ZNF609: variants seen among roughly 807,000 people sequenced by gnomAD.
ZNF609 encodes the protein zinc finger protein 609.
ZNF609 carries 11 observed loss-of-function variants against 109.5 expected under a neutral mutation model. That is an observed-to-expected ratio of 0.10 (90% confidence interval 0.06 to 0.17). ZNF609 has a LOEUF of 0.17. Ranked by LOEUF, ZNF609 falls within the 10% of genes least tolerant of loss-of-function variation. The probability of loss-of-function intolerance (pLI) is 1.00; values close to 1 mark genes in which losing one functional copy is unlikely to be tolerated. For missense variants in ZNF609, 1,559 were observed against 1,772.4 expected (o/e 0.88, Z 2.16); for synonymous variants, 646 against 662.0 (o/e 0.98, Z 0.37).
chr15:64,481,981 C>T (rs903142928), intron 1 of ZNF609, among the ~76,000 whole-genome samples: 1 of 152,028 alleles, frequency 6.6e-6, no homozygotes, highest in African/African-American at 2.4e-5. Flanking sequence ...GATGGGGTTT[C>T]ACCATGTTGA....
At position 64,460,709 on chromosome 15, in the gene ZNF609, C is replaced by T; in HGVS notation, c.-257C>T. On this transcript the variant is annotated 5_prime_UTR_variant, in exon 1 of 10. Coordinates refer to ENST00000326648, the MANE Select transcript of ZNF609 (RefSeq NM_015042.2). The stretch of plus-strand genomic sequence containing the variant: ...CAGAGAGCCAGAGCCGGAGCCGGAG[C>T]CGGAGCCGGGGTGGGGTGGGGGGGA... 1 of 113,486 alleles carries T rather than the reference C, an allele frequency of 8.8e-6. No individual in the cohort carries two copies. The highest frequency in any genetic ancestry group is 1.8e-5 in the Non-Finnish European group (1 of 56,216). The allele number at this position is 113,486 out of a possible 1,614,324, so 7.0% of individuals were successfully genotyped here. A position where few individuals can be genotyped will look rare whatever the true frequency, so the allele number is the denominator to read the frequency against.
intron 1 of ZNF609, among the ~76,000 whole-genome samples, chr15:64,481,319 C>CTTTTTTTTTTTTTTT (rs889184379): frequency 7.9e-6 from 1 of 127,272 alleles, no homozygotes; most frequent in African/African-American, 3.0e-5. Context: ...TTTCTTTTTT[C>CTTTTTTTTTTTTTTT]TTTTTTTTTT....
At chr15:64,484,819 C>A (rs111297807) in intron 1 of ZNF609, among the ~76,000 whole-genome samples, 8,302 of 150,778 alleles carry the variant, frequency 0.055, 721 homozygotes, top group African/African-American at 0.19. Context: ...ACTAAAAATA[C>A]AAAAATTAGC....
chr15:64,574,268 C>A (rs143312819), intron 2 of ZNF609, among the ~76,000 whole-genome samples: 135 of 141,198 alleles, frequency 9.6e-4, no homozygotes, highest in African/African-American at 3.4e-3. Context: ...TGTTTTATTG[C>A]CTTTTCTGTG....
chr15:64,600,467 GAAAA>G (rs561428455), intron 2 of ZNF609, among the ~76,000 whole-genome samples: 8 of 122,044 alleles, frequency 6.6e-5, no homozygotes, highest in African/African-American at 1.8e-4. Flanking sequence ...AAAAAAAAAA[GAAAA>G]AAAAAAACAG....
chr15:64,493,689 AAAAG>A (rs1277491536), intron 1 of ZNF609, among the ~76,000 whole-genome samples: 2 of 152,218 alleles, frequency 1.3e-5, no homozygotes, highest in African/African-American at 4.8e-5. Flanking sequence ...AGAAGGAGAG[AAAAG>A]AAAGGAAAAT....
chr15:64,602,830 C>A (rs1427592690), intron 2 of ZNF609, among the ~76,000 whole-genome samples: 1 of 144,686 alleles, frequency 6.9e-6, no homozygotes, highest in Non-Finnish European at 1.5e-5. Flanking sequence ...TCACGCCATT[C>A]TCCTGACTCA....
At chr15:64,616,956 A>C (rs1023261363) in intron 2 of ZNF609, among the ~76,000 whole-genome samples, 3 of 149,430 alleles carry the variant, frequency 2.0e-5, no homozygotes, top group Non-Finnish European at 3.0e-5. Flanking sequence ...TTACAGGTGC[A>C]CACCACCATG....
chr15:64,623,048 A>G lies in ZNF609; in HGVS notation c.969A>G (p.Glu323=), dbSNP rs1221238118. The G allele has an allele frequency of 6.2e-7, 1 of 1,614,018 alleles. No individual in the cohort carries two copies. The highest frequency in any genetic ancestry group is 1.3e-5 in the African/African-American group (1 of 74,956). Residue 323 remains glutamate, a synonymous_variant, in exon 3 of 10, where the codon GAA becomes GAG. Coordinates refer to ENST00000326648, the MANE Select transcript of ZNF609 (RefSeq NM_015042.2). ...AAGGCATCGTGTGGCAGGAAACAGAAGATGGTAAGTGTGATATGTGGCTTT... is the reference window on the plus strand; with the variant it reads ...AAGGCATCGTGTGGCAGGAAACAGAGGATGGTAAGTGTGATATGTGGCTTT... The part of the protein sequence containing the change: ...NLEGIVWQET[E]DGMLVVNVTW...
chr15:64,499,267 C>A, intron 1 of ZNF609, 26 bp from the exon 2 acceptor site: 1 of 1,020,486 alleles, frequency 9.8e-7, no homozygotes, highest in Non-Finnish European at 1.4e-6. Context: ...TTTCTTTTAA[C>A]AGCTTTTTAA....
intron 2 of ZNF609, among the ~76,000 whole-genome samples, chr15:64,567,533 A>G (rs1392317926): frequency 2.0e-5 from 3 of 152,292 alleles, no homozygotes; most frequent in Admixed American, 1.3e-4. Context: ...TTACTTGCAG[A>G]TGTTTTCTTG....
chr15:64,629,447 G>T (rs1048407480), intron 3 of ZNF609, among the ~76,000 whole-genome samples: 10 of 152,170 alleles, frequency 6.6e-5, no homozygotes, highest in African/African-American at 9.7e-5. Context: ...GTCTAGGGCT[G>T]GTATGATGAC....
intron 1 of ZNF609, among the ~76,000 whole-genome samples, chr15:64,472,115 T>A (rs1473691768): frequency 1.3e-5 from 2 of 150,920 alleles, no homozygotes; most frequent in African/African-American, 4.9e-5. Flanking sequence ...TTTCCCCATG[T>A]TGGTCAGGCT....
intron 2 of ZNF609, among the ~76,000 whole-genome samples, chr15:64,618,855 A>C (rs1175118348): frequency 6.6e-5 from 10 of 152,078 alleles, no homozygotes; most frequent in Non-Finnish European, 2.9e-5. Context: ...TCTGCCTGCT[A>C]GGGTCTGGGG....
At chr15:64,638,705 G>A (rs778832100) in intron 3 of ZNF609, among the ~76,000 whole-genome samples, 33 of 151,842 alleles carry the variant, frequency 2.2e-4, no homozygotes, top group Non-Finnish European at 4.3e-4. Flanking sequence ...AGACCAGCCC[G>A]GACAACATGG....
intron 1 of ZNF609, among the ~76,000 whole-genome samples, chr15:64,477,529 A>C (rs1893190836): frequency 6.6e-6 from 1 of 152,100 alleles, no homozygotes. Context: ...GATAGGAAAC[A>C]GAAGTCCCTT....
At chr15:64,533,078 G>C (rs892477725) in intron 2 of ZNF609, among the ~76,000 whole-genome samples, 1 of 151,326 alleles carries the variant, frequency 6.6e-6, no homozygotes, top group Admixed American at 6.6e-5. Context: ...TTGAGACAGA[G>C]TCTGCTCTGT....
chr15:64,492,313 A>G (rs549053715), intron 1 of ZNF609, among the ~76,000 whole-genome samples: 1 of 152,286 alleles, frequency 6.6e-6, no homozygotes, highest in Admixed American at 6.5e-5. Flanking sequence ...CTAATCACTG[A>G]GTTCATGGAA....
chr15:64,642,736 G>A (rs1896280823), intron 3 of ZNF609, among the ~76,000 whole-genome samples: 1 of 152,226 alleles, frequency 6.6e-6, no homozygotes, highest in Admixed American at 6.5e-5. Context: ...CGAGGCTGCA[G>A]TGAGCCCTGA....
Sources: gnomAD v4.1 joint callset for allele counts (sites outside exome capture counted in the v4.1 genomes callset) on GRCh38, gnomAD v4.1.1 for gene constraint, MANE v1.5 for transcripts, NCBI Gene and HGNC (gene_info 2026-07-23, HGNC 2026-07-21) for gene names.